Variants in SV2B observed in about 807,000 individuals in gnomAD.
SV2B encodes the protein solute carrier family 22 member B2.
A neutral mutation model predicts 73.9 loss-of-function variants in SV2B; 41 were observed. The observed-to-expected ratio is 0.56, with a 90% CI of 0.43 to 0.72. SV2B has a LOEUF of 0.72. Ranked by LOEUF, SV2B falls within the 30% of genes least tolerant of loss-of-function variation. The pLI is 0.00. For synonymous variants in SV2B, 314 were observed against 314.2 expected (o/e 1.00, Z 0.01); for missense variants, 764 against 857.8 (o/e 0.89, Z 1.37).
At position 91,232,543 on chromosome 15, in the gene SV2B, A is replaced by AGT. The variant is rs1388032691; in HGVS notation, c.451+5831_451+5832dup. ...TGGTTTAGGATGATCACTCTGCCCC[A>AGT]GTGATTTTGGTACTGAGAGTGCTTC... is the stretch of plus-strand genomic sequence containing the variant. On this transcript the variant is annotated intron_variant, in intron 2 of 12. Coordinates refer to ENST00000394232, the MANE Select transcript of SV2B (RefSeq NM_001323032.3). The surrounding 1 kb of genome is among the most constrained non-coding windows in gnomAD (Gnocchi z 4.7). 6.6e-6 allele frequency among the ~76,000 whole-genome samples: 1 copy of AGT among 152,136 alleles called. No homozygotes were observed. The highest frequency in any genetic ancestry group is 2.4e-5 in the African/African-American group (1 of 41,444).
At chr15:91,107,289 A>ATTTGTTTGTTTG (rs1274580877) in intron 1 of SV2B, among the ~76,000 whole-genome samples, 19 of 148,036 alleles carry the variant, frequency 1.3e-4, no homozygotes, top group African/African-American at 3.0e-4. Context: ...TCATTACTTT[A>ATTTGTTTGTTTG]TTTGTTTGTT....
intron 2 of SV2B, among the ~76,000 whole-genome samples, chr15:91,237,669 G>C (rs2046841694): frequency 6.6e-6 from 1 of 152,294 alleles, no homozygotes; most frequent in South Asian, 2.1e-4. Flanking sequence ...TGAGATGTCA[G>C]GGTTTTTGCT....
At chr15:91,196,452 A>G (rs8038237) in intron 1 of SV2B, among the ~76,000 whole-genome samples, 33,634 of 152,208 alleles carry the variant, frequency 0.22, 6,919 homozygotes, top group African/African-American at 0.55. Flanking sequence ...ATTAGATTTT[A>G]TAGGCTAATT....
At chr15:91,291,994 A>G (rs917916919) in intron 12 of SV2B, among the ~76,000 whole-genome samples, 2 of 152,180 alleles carry the variant, frequency 1.3e-5, no homozygotes, top group Non-Finnish European at 2.9e-5. Context: ...GAGTGTTAAA[A>G]GGGGGAACAC....
intron 1 of SV2B, among the ~76,000 whole-genome samples, chr15:91,112,603 A>C (rs772286923): frequency 3.9e-5 from 6 of 152,196 alleles, no homozygotes; most frequent in Non-Finnish European, 8.8e-5. Flanking sequence ...GGAATCAGGG[A>C]AGCAGGATTT....
chr15:91,278,678 CAA>C (rs746732650), intron 9 of SV2B, among the ~76,000 whole-genome samples: 9 of 42,454 alleles, frequency 2.1e-4, no homozygotes, highest in Admixed American at 2.3e-4. Context: ...GACTCCGTCT[CAA>C]AAAAAAAAAA....
In SV2B at chr15:91,220,008, AT is replaced by A. The variant is rs2046163852; in HGVS notation, c.-391-5863del. The stretch of plus-strand genomic sequence containing the variant: ...TCATTGCACTGCACTTGGTTTATCC[AT>A]TCATCAGCTGGTGGACATTTGTACT... On this transcript the variant is annotated intron_variant, in intron 1 of 12. Transcript: ENST00000394232. The surrounding 1 kb of genome is among the most constrained non-coding windows in gnomAD (Gnocchi z 4.1). Among the ~76,000 whole-genome samples, 1 of 152,182 alleles carries A rather than the reference AT, an allele frequency of 6.6e-6. No homozygotes were observed.
Position 91,296,937 on chromosome 15 carries a change from A to ACGCTCCTTCTGCCTGATCATTGGGC in SV2B, c.*4385_*4386insCGCTCCTTCTGCCTGATCATTGGGC, listed in dbSNP as rs2049267864. The ACGCTCCTTCTGCCTGATCATTGGGC allele has an allele frequency of 8.9e-6, 1 of 112,232 alleles. No individual in the cohort carries two copies. The highest frequency in any genetic ancestry group is 3.8e-5 in the African/African-American group (1 of 26,088). 7.0% of individuals were successfully genotyped at this position (112,232 alleles called of 1,614,324 possible). On this transcript the variant is annotated 3_prime_UTR_variant, in exon 13 of 13. Coordinates refer to ENST00000394232, the MANE Select transcript of SV2B (RefSeq NM_001323032.3). ...ATGCTCCTTCTGCCCGATCGTTGGG[A>ACGCTCCTTCTGCCTGATCATTGGGC]GCACGCTCATTCTGCCCGATTGTTG...
chr15:91,167,545 C>T (rs2043958616), intron 1 of SV2B, among the ~76,000 whole-genome samples: 2 of 152,182 alleles, frequency 1.3e-5, no homozygotes, highest in African/African-American at 4.8e-5. Context: ...CACATCACTT[C>T]AACCTTTGGT....
chr15:91,185,472 T>G (rs1337395657), intron 1 of SV2B, among the ~76,000 whole-genome samples: 1 of 152,178 alleles, frequency 6.6e-6, no homozygotes, highest in Non-Finnish European at 1.5e-5. Flanking sequence ...TCCATCACAT[T>G]GATGAGAAGG....
rs1384467595 is a variant in SV2B at position 91,295,671 on chromosome 15, A to G, written c.*3119A>G. 1 of 152,118 alleles carries G rather than the reference A, an allele frequency of 6.6e-6. No individual in the cohort carries two copies. The highest frequency in any genetic ancestry group is 1.5e-5 in the Non-Finnish European group (1 of 68,038). 9.4% of individuals were successfully genotyped at this position (152,118 alleles called of 1,614,324 possible). A position where few individuals can be genotyped will look rare whatever the true frequency, so the allele number is the denominator to read the frequency against. On this transcript the variant is annotated 3_prime_UTR_variant, in exon 13 of 13. Transcript: ENST00000394232. ...TGGGGAATGGGACAATGTGACAAAT[A>G]CTCGCCATTCCCTGAGACCATTCAT... is the stretch of plus-strand genomic sequence containing the variant.
intron 1 of SV2B, among the ~76,000 whole-genome samples, chr15:91,152,918 A>C (rs1436153800): frequency 6.6e-6 from 1 of 152,136 alleles, no homozygotes; most frequent in Non-Finnish European, 1.5e-5. Context: ...AACAATAGAA[A>C]TCTATTTCTC....
At chr15:91,131,441 TTGTG>T (rs750865385) in intron 1 of SV2B, among the ~76,000 whole-genome samples, 35 of 151,644 alleles carry the variant, frequency 2.3e-4, no homozygotes, top group Non-Finnish European at 4.4e-4. Flanking sequence ...ACATATATGT[TTGTG>T]TGTGTATGTG....
rs141392935 is a variant in SV2B, at chr15:91,140,955, A to C, written c.-392+40592A>C. 3.3e-5 allele frequency among the ~76,000 whole-genome samples: 5 copies of C among 152,244 alleles called. No homozygotes were observed. In the East Asian group the frequency reaches 9.7e-4, roughly 29 times the overall value. ...CAGCCTCAGATGAACATATGTTAAC[A>C]CTAAGATTCTCCACACTTCCTCCAA... On this transcript the variant is annotated intron_variant, in intron 1 of 12. Coordinates refer to ENST00000394232, the MANE Select transcript of SV2B (RefSeq NM_001323032.3). The surrounding 1 kb of genome is among the most constrained non-coding windows in gnomAD (Gnocchi z 4.4).
rs1270980855 is a variant in SV2B, at chr15:91,296,392, A to C, written c.*3840A>C. On this transcript the variant is annotated 3_prime_UTR_variant, in exon 13 of 13. Coordinates refer to ENST00000394232, the MANE Select transcript of SV2B (RefSeq NM_001323032.3). ...TTTGTTTTACTCTCATGTGAAGGGA[A>C]TCTGGAGGAAGGAAAGCCAGGGCTG... 1.3e-5 allele frequency: 2 copies of C among 152,330 alleles called. No individual in the cohort carries two copies. Among genetic ancestry groups the C allele is most frequent in the Non-Finnish European group, 2.9e-5 (2 of 68,108 alleles). The allele number at this position is 152,330 out of a possible 1,614,324, so 9.4% of individuals were successfully genotyped here.
chr15:91,207,902 G>T (rs1397556448), intron 1 of SV2B, among the ~76,000 whole-genome samples: 1 of 152,176 alleles, frequency 6.6e-6, no homozygotes, highest in Non-Finnish European at 1.5e-5. Context: ...CCTGTCACAG[G>T]AGGGCCTTCA....
rs748729719 is a variant in SV2B at position 91,137,913 on chromosome 15, G to A, written c.-392+37550G>A. On this transcript the variant is annotated intron_variant, in intron 1 of 12. Transcript: ENST00000394232. The surrounding 1 kb of genome is among the most constrained non-coding windows in gnomAD (Gnocchi z 4.9). ...CTTTCCAATACAAACTATATCTCAG[G>A]ACAACCAAATGATAGATGAGGGGAA... Among the ~76,000 whole-genome samples the A allele has an allele frequency of 7.2e-5, 11 of 151,996 alleles. No homozygotes were observed. Among genetic ancestry groups the A allele is most frequent in the Non-Finnish European group, 1.3e-4 (9 of 68,016 alleles).
chr15:91,176,128 G>T (rs2044299476), intron 1 of SV2B, among the ~76,000 whole-genome samples: 1 of 151,264 alleles, frequency 6.6e-6, no homozygotes, highest in South Asian at 2.1e-4. Flanking sequence ...CTATGAGTGA[G>T]AACATGCGGT....
At chr15:91,180,416 A>C (rs559926514) in intron 1 of SV2B, among the ~76,000 whole-genome samples, 3 of 151,602 alleles carry the variant, frequency 2.0e-5, no homozygotes, top group Admixed American at 2.0e-4. Context: ...CGTTCTCTGT[A>C]TTTCCTGAAT....
Sources: allele counts gnomAD v4.1 joint callset (sites outside exome capture counted in the v4.1 genomes callset), GRCh38; gene constraint gnomAD v4.1.1; non-coding constraint Gnocchi (gnomAD v3.1); transcripts MANE v1.5; gene names NCBI Gene and HGNC (gene_info 2026-07-23, HGNC 2026-07-21).